Variants in SLU7 observed in about 807,000 individuals in gnomAD.
The protein encoded by SLU7 is spliceosome associated SLU7.
SLU7 carries 60 observed loss-of-function variants against 87.0 expected under a neutral mutation model. That is an observed-to-expected ratio of 0.69 (90% CI 0.56 to 0.86). The LOEUF (loss-of-function observed/expected upper bound fraction) is 0.86. SLU7 is among the 40% of genes least tolerant of loss of function. SLU7 has a pLI of 0.00. For missense variants in SLU7, 507 were observed against 686.6 expected (o/e 0.74, Z 2.92); for synonymous variants, 197 against 222.0 (o/e 0.89, Z 1.00).
At chr5:160,412,617 A>G in intron 5 of SLU7, 98 bp from the exon 6 acceptor site, 4 of 704,062 alleles carry the variant, frequency 5.7e-6, no homozygotes, top group Non-Finnish European at 9.3e-6. Flanking sequence ...TATATTTAAA[A>G]TGAATAACTT....
rs540537064 is a variant in SLU7, at chr5:160,405,197, G to C, written c.1288-62C>G. Reference sequence around the variant, plus strand: ...CTGAAATTAGAAACTTCTGTATACTGTTGATAAGAGTATAAAATAATACAG... The same window carrying C: ...CTGAAATTAGAAACTTCTGTATACTCTTGATAAGAGTATAAAATAATACAG... On this transcript the variant is annotated intron_variant, in intron 12 of 15. Coordinates refer to ENST00000297151, the MANE Select transcript of SLU7 (RefSeq NM_006425.5). The C allele has an allele frequency of 7.0e-5, 76 of 1,093,482 alleles. No homozygotes were observed. In the African/African-American group the frequency reaches 8.3e-4, roughly 12 times the overall value. The allele number at this position is 1,093,482 out of a possible 1,614,324, so 67.7% of individuals were successfully genotyped here.
chr5:160,411,845 T>C (rs1765251519), intron 6 of SLU7, among the ~76,000 whole-genome samples: 1 of 152,164 alleles, frequency 6.6e-6, no homozygotes, highest in African/African-American at 2.4e-5. Flanking sequence ...TGCCCAGTTA[T>C]ATAACTAATA....
Position 160,407,064 on chromosome 5 carries a change from C to T in SLU7, c.1125+412G>A, listed in dbSNP as rs188210392. Among the ~76,000 whole-genome samples the T allele has an allele frequency of 7.5e-3, 1,142 of 152,320 alleles. 9 individuals carry two copies. Among genetic ancestry groups the T allele is most frequent in the Non-Finnish European group, 0.011 (725 of 68,028 alleles). ...CCACTCTCTAGAACTCTGAGAATGC[C>T]ATTTTAAAAAGCTGTGCTACCCTAC... On this transcript the variant is annotated intron_variant, in intron 11 of 15. Transcript: ENST00000297151. The surrounding 1 kb of genome is among the most constrained non-coding windows in gnomAD (Gnocchi z 4.2).
intron 6 of SLU7, among the ~76,000 whole-genome samples, chr5:160,409,707 T>C (rs1397802680): frequency 6.6e-6 from 1 of 152,180 alleles, no homozygotes; most frequent in Admixed American, 6.5e-5. Flanking sequence ...GGTTATATAA[T>C]GTATTGCACT....
At chr5:160,416,237 A>T (rs1255994734) in intron 1 of SLU7, among the ~76,000 whole-genome samples, 1 of 152,038 alleles carries the variant, frequency 6.6e-6, no homozygotes. Flanking sequence ...AATTTTGCCC[A>T]GTTATTTAAT....
Position 160,408,449 on chromosome 5 carries a change from A to G in SLU7, c.699T>C (p.His233=). ...TATCTTCATCCTCATCTTCACTATTATGATCTTTTTCCTAAAAGAGGGAGA... is the reference window on the plus strand; with the variant it reads ...TATCTTCATCCTCATCTTCACTATTGTGATCTTTTTCCTAAAAGAGGGAGA... ...EEPNSQMEKD[H]NSEDEDEDKY... Residue 233 remains histidine, a synonymous_variant, in exon 8 of 16, where the codon CAT becomes CAC. Transcript: ENST00000297151. 6.3e-7 allele frequency: 1 copy of G among 1,596,562 alleles called. No individual in the cohort carries two copies. Among genetic ancestry groups the G allele is most frequent in the Non-Finnish European group, 8.5e-7 (1 of 1,171,092 alleles).
In SLU7 at chr5:160,407,487, T is replaced by G; in HGVS notation, c.1114A>C (p.Ile372Leu). 2 of 1,607,504 alleles carry G rather than the reference T, an allele frequency of 1.2e-6. No individual in the cohort carries two copies. The highest frequency in any genetic ancestry group is 1.7e-6 in the Non-Finnish European group (2 of 1,178,210). Residue 372 changes from isoleucine to leucine, a missense_variant, in exon 11 of 16, where the codon ATC becomes CTC. Ile to Leu is a conservative substitution (Grantham distance 5). This residue lies in a region of SLU7 where 43 missense variants were observed against 58.4 expected (regional missense o/e 0.74). Coordinates refer to ENST00000297151, the MANE Select transcript of SLU7 (RefSeq NM_006425.5). The surrounding 1 kb of genome is among the most constrained non-coding windows in gnomAD (Gnocchi z 4.2). ...EDFKEQQKES[I>L]LEKYGGQEHL... ...TTGGTCAAAATTACCTTTTCCAGGA[T>G]GCTTTCTTTCTGCTGTTCTTTGAAA...
intron 4 of SLU7, 88 bp downstream of exon 4, chr5:160,413,810 TG>T: frequency 9.5e-7 from 1 of 1,048,030 alleles, no homozygotes; most frequent in African/African-American, 1.6e-5. Context: ...TAAATATAGG[TG>T]ATTTCAGAAA....
chr5:160,414,417 G>A lies in SLU7; in HGVS notation c.226C>T (p.Pro76Ser). 6.2e-7 allele frequency: 1 copy of A among 1,610,172 alleles called. No homozygotes were observed. The highest frequency in any genetic ancestry group is 8.5e-7 in the Non-Finnish European group (1 of 1,177,496). ...TGTTTTAAAGTAGGTCTTTTTGAAG[G>A]ATCAATATACCATGGCACTGAAGAA... ...YISSVPWYID[P>S]SKRPTLKHQR... The change falls in exon 3 of 16, where the codon CCT becomes TCT. Residue 76 changes from proline (P) to serine (S), a missense_variant. Physicochemically the swap from Pro to Ser is moderately conservative, Grantham distance 74. Around this residue, in one of 6 missense-constraint regions of SLU7, gnomAD observed 26 missense variants for 78.9 expected, o/e 0.33. Transcript: ENST00000297151.
Position 160,413,895 on chromosome 5 carries a change from T to C in SLU7, c.405+4A>G. 6.3e-7 allele frequency: 1 copy of C among 1,581,494 alleles called. No homozygotes were observed. The highest frequency in any genetic ancestry group is 8.6e-7 in the Non-Finnish European group (1 of 1,166,458). ...GTTTTCAAAATTTTCAAAGGTGAAC[T>C]TACCTCAAAGCAGTCTTTCTTTTTG... is the stretch of plus-strand genomic sequence containing the variant. On this transcript the variant is annotated splice_donor_region_variant and intron_variant, in intron 4 of 15. Transcript: ENST00000297151.
Position 160,408,068 on chromosome 5 carries a change from ACT to A in SLU7, c.820-2_820-1del. ...GAATTTGGATCTAAATTCCTCAAATACTAGAAGAAAAAAATATTTAAAGAATT... is the reference window on the plus strand; with the variant it reads ...GAATTTGGATCTAAATTCCTCAAATAAGAAGAAAAAAATATTTAAAGAATT... On this transcript the variant is annotated splice_acceptor_variant, in intron 8 of 15. Coordinates refer to ENST00000297151, the MANE Select transcript of SLU7 (RefSeq NM_006425.5). LOFTEE classifies it high-confidence loss of function. 1 of 1,580,946 alleles carries A rather than the reference ACT, an allele frequency of 6.3e-7. No individual in the cohort carries two copies. The highest frequency in any genetic ancestry group is 8.7e-7 in the Non-Finnish European group (1 of 1,150,836).
chr5:160,412,623 A>C (rs900976022), intron 5 of SLU7, 104 bp from the exon 6 acceptor site: 8 of 686,546 alleles, frequency 1.2e-5, no homozygotes, highest in Non-Finnish European at 1.9e-5. Context: ...TAAAATGAAT[A>C]ACTTTAAATT....
chr5:160,408,960 C>T (rs920216878), intron 6 of SLU7, among the ~76,000 whole-genome samples: 4 of 150,228 alleles, frequency 2.7e-5, no homozygotes, highest in South Asian at 2.1e-4. Context: ...TTATAATGAG[C>T]GCAAAAATTC....
intron 4 of SLU7, 78 bp downstream of exon 4, chr5:160,413,821 A>C: frequency 8.7e-7 from 1 of 1,150,280 alleles, no homozygotes; most frequent in Non-Finnish European, 1.3e-6. Flanking sequence ...GATTTCAGAA[A>C]AAGAGAAGTT....
At chr5:160,412,365 G>A (rs892444273) in intron 6 of SLU7, 86 bp downstream of exon 6, 3 of 811,552 alleles carry the variant, frequency 3.7e-6, no homozygotes, top group African/African-American at 3.5e-5. Flanking sequence ...CCTAACTGAA[G>A]AGCTATAAAA....
chr5:160,406,361 T>TC (rs1765011904), intron 12 of SLU7, 107 bp downstream of exon 12: 2 of 909,906 alleles, frequency 2.2e-6, no homozygotes, highest in Non-Finnish European at 3.0e-6. Context: ...TTTTTTTTTT[T>TC]TTAAAGCATA....
rs1402514598 is a variant in SLU7, at chr5:160,407,518, T to C, written c.1083A>G (p.Lys361=). 2 of 1,612,468 alleles carry C rather than the reference T, an allele frequency of 1.2e-6. No homozygotes were observed. Among genetic ancestry groups the C allele is most frequent in the Non-Finnish European group, 8.5e-7 (1 of 1,179,444 alleles). The change falls in exon 11 of 16, where the codon AAA becomes AAG. Residue 361 remains lysine (K), a synonymous_variant. Transcript: ENST00000297151. This position sits in a 1 kb window ranked among gnomAD's most constrained non-coding sequence, Gnocchi z 4.2. ...CTTTCTGCTGTTCTTTGAAATCTTC[T>C]TTTTTGACTTTGAAGGACTTATACA... ...ELLYKSFKVK[K]EDFKEQQKES... is the part of the protein sequence containing the mutation.
intron 3 of SLU7, 153 bp downstream of exon 3, chr5:160,414,166 A>C: frequency 1.4e-6 from 1 of 736,738 alleles, no homozygotes; most frequent in East Asian, 2.8e-5. Context: ...TATAAGAAAC[A>C]CAAAGATAAA....
intron 4 of SLU7, 50 bp downstream of exon 4, chr5:160,413,849 A>G (rs201004715): frequency 7.6e-6 from 10 of 1,321,888 alleles, no homozygotes; most frequent in Non-Finnish European, 1.1e-5. Context: ...TGACAAAGAA[A>G]AAAGAAAGAC....
Sources: allele counts gnomAD v4.1 joint callset (sites outside exome capture counted in the v4.1 genomes callset), GRCh38; gene constraint gnomAD v4.1.1; regional missense constraint gnomAD v4.1.1; non-coding constraint Gnocchi (gnomAD v3.1); transcripts MANE v1.5; gene names NCBI Gene and HGNC (gene_info 2026-07-23, HGNC 2026-07-21).